Variants in SERPINB7 observed in about 807,000 individuals in gnomAD.
SERPINB7 encodes serpin family B member 7.
SERPINB7 carries 31 observed loss-of-function variants against 37.4 expected under a neutral mutation model. That is an observed-to-expected ratio of 0.83 (90% CI 0.62 to 1.12). The LOEUF is 1.12. SERPINB7 is among the 50% of genes most tolerant of loss of function. SERPINB7 has a pLI of 0.00. For missense variants in SERPINB7, 521 were observed against 455.3 expected (o/e 1.14, Z -1.31); for synonymous variants, 163 against 166.1 (o/e 0.98, Z 0.14).
chr18:63,781,887 G>C (rs2144610554), intron 1 of SERPINB7, among the ~76,000 whole-genome samples: 1 of 152,258 alleles, frequency 6.6e-6, no homozygotes, highest in East Asian at 1.9e-4. Context: ...ATTGTTCTAA[G>C]AATTTACAGA....
At chr18:63,766,102 T>C (rs2049179257) in intron 1 of SERPINB7, among the ~76,000 whole-genome samples, 1 of 152,112 alleles carries the variant, frequency 6.6e-6, no homozygotes. Context: ...ACCTAACAAC[T>C]GTGTAACTCC....
intron 7 of SERPINB7, among the ~76,000 whole-genome samples, chr18:63,801,968 T>C (rs1252064668): frequency 6.6e-5 from 10 of 152,212 alleles, no homozygotes. Context: ...TCATTAGTTT[T>C]ACAAAGGTGG....
At chr18:63,781,636 C>T (rs1004013909) in intron 1 of SERPINB7, among the ~76,000 whole-genome samples, 3 of 152,180 alleles carry the variant, frequency 2.0e-5, no homozygotes, top group Non-Finnish European at 2.9e-5. Context: ...GTCTGTATTG[C>T]AGAAACAACA....
At chr18:63,795,452 T>C (rs951565300) in intron 4 of SERPINB7, among the ~76,000 whole-genome samples, 2 of 151,624 alleles carry the variant, frequency 1.3e-5, no homozygotes, top group African/African-American at 4.9e-5. Flanking sequence ...TCCCAGCTAC[T>C]TGGGAAGCTG....
chr18:63,756,956 A>G (rs1055766207), intron 1 of SERPINB7, among the ~76,000 whole-genome samples: 1 of 152,134 alleles, frequency 6.6e-6, no homozygotes, highest in South Asian at 2.1e-4. Context: ...TCCTATTTCA[A>G]TCGCTATCAC....
chr18:63,770,673 A>G (rs916568106), upstream of SERPINB7, among the ~76,000 whole-genome samples: 2 of 151,952 alleles, frequency 1.3e-5, no homozygotes, highest in African/African-American at 2.4e-5. Flanking sequence ...ATTGTTTGTA[A>G]TATTTTTCCT....
chr18:63,800,828 G>A lies in SERPINB7; in HGVS notation c.598-38G>A, dbSNP rs1387642108. 6 of 1,607,280 alleles carry A rather than the reference G, an allele frequency of 3.7e-6. No individual in the cohort carries two copies. The South Asian group carries it at 6.7e-5, about 18-fold the overall frequency. Reference sequence around the variant, plus strand: ...TATTTGGTTAATAAAGTAAAATGAGGTGGGATCATAAATAATTTTTTGTGA... The same window carrying A: ...TATTTGGTTAATAAAGTAAAATGAGATGGGATCATAAATAATTTTTTGTGA... On this transcript the variant is annotated intron_variant, in intron 6 of 7. Transcript: ENST00000398019.
chr18:63,798,686 C>G lies in SERPINB7; in HGVS notation c.537C>G (p.Gly179=), dbSNP rs1175443109. The G allele has an allele frequency of 6.2e-7, 1 of 1,612,842 alleles. No homozygotes were observed. Among genetic ancestry groups the G allele is most frequent in the Non-Finnish European group, 8.5e-7 (1 of 1,179,568 alleles). Residue 179 remains glycine, a synonymous_variant, in exon 6 of 8, where the codon GGC becomes GGG. Coordinates refer to ENST00000398019, the MANE Select transcript of SERPINB7 (RefSeq NM_003784.4). The part of the protein sequence containing the change: ...MVLVNAVYFK[G]KWQSAFTKSE... ...TGGTGAATGCTGTGTACTTCAAAGG[C>G]AAGTGGCAATCAGCCTTCACCAAGA...
At chr18:63,774,473 T>C (rs1161152521), upstream of SERPINB7, among the ~76,000 whole-genome samples, 3 of 152,088 alleles carry the variant, frequency 2.0e-5, no homozygotes, top group African/African-American at 7.2e-5. Context: ...AGGTGCAACA[T>C]ACAGCTCAAC....
rs553857664 is a variant in SERPINB7, at chr18:63,793,724, C to A, written c.336+447C>A. 2.0e-5 allele frequency among the ~76,000 whole-genome samples: 3 copies of A among 152,266 alleles called. No homozygotes were observed. The South Asian group carries it at 6.2e-4, about 32-fold the overall frequency. On this transcript the variant is annotated intron_variant, in intron 4 of 7. Transcript: ENST00000398019. Reference sequence around the variant, plus strand: ...CTATGTTGCCCAGATTGGTCTTGAACCCCTGGGCTCAAGTGATCTTCTTTC... The same window carrying A: ...CTATGTTGCCCAGATTGGTCTTGAAACCCTGGGCTCAAGTGATCTTCTTTC...
chr18:63,789,724 T>G (rs900834031), intron 2 of SERPINB7, among the ~76,000 whole-genome samples: 4 of 152,250 alleles, frequency 2.6e-5, no homozygotes, highest in Non-Finnish European at 5.9e-5. Flanking sequence ...TATTTTCAAG[T>G]AGAGATGTTG....
intron 7 of SERPINB7, among the ~76,000 whole-genome samples, chr18:63,802,941 A>T (rs960669919): frequency 6.6e-6 from 1 of 152,204 alleles, no homozygotes; most frequent in Non-Finnish European, 1.5e-5. Flanking sequence ...GACCATATAA[A>T]ATATTGGTCC....
intron 6 of SERPINB7, 45 bp downstream of exon 6, chr18:63,798,791 G>A (rs1464680604): frequency 1.5e-5 from 24 of 1,584,238 alleles, no homozygotes; most frequent in African/African-American, 2.7e-5. Flanking sequence ...TTCCACAATC[G>A]TATTCCTTTG....
At chr18:63,797,848 C>T (rs1014986877) in intron 5 of SERPINB7, among the ~76,000 whole-genome samples, 1 of 152,298 alleles carries the variant, frequency 6.6e-6, no homozygotes, top group South Asian at 2.1e-4. Flanking sequence ...TCTTGCCAAC[C>T]TTATTCTCCC....
At chr18:63,800,297 A>G (rs1193930258) in intron 6 of SERPINB7, among the ~76,000 whole-genome samples, 1 of 152,054 alleles carries the variant, frequency 6.6e-6, no homozygotes, top group Non-Finnish European at 1.5e-5. Flanking sequence ...CTTGGGCTCA[A>G]GTAGTCCTCT....
chr18:63,767,516 T>C (rs1290105859), intron 1 of SERPINB7, among the ~76,000 whole-genome samples: 3 of 152,162 alleles, frequency 2.0e-5, no homozygotes, highest in Non-Finnish European at 4.4e-5. Flanking sequence ...AGAAAGACTG[T>C]GTTTCCTCCC....
chr18:63,776,849 A>G (rs1720853), intron 1 of SERPINB7, among the ~76,000 whole-genome samples: 90,040 of 151,506 alleles, frequency 0.59, 26,808 homozygotes, highest in East Asian at 0.68. Context: ...TTGGATATTT[A>G]TTTGGTTTCT....
At chr18:63,772,628 A>C (rs943295512), upstream of SERPINB7, among the ~76,000 whole-genome samples, 1 of 152,146 alleles carries the variant, frequency 6.6e-6, no homozygotes, top group Non-Finnish European at 1.5e-5. Flanking sequence ...TAGAAAGTGA[A>C]CTTTAATTTG....
Position 63,776,276 on chromosome 18 carries a change from A to AT in SERPINB7, c.-19+560_-19+561insT, listed in dbSNP as rs2049246955. 2.0e-5 allele frequency among the ~76,000 whole-genome samples: 3 copies of AT among 152,034 alleles called. No individual in the cohort carries two copies. The South Asian group carries it at 6.2e-4, about 32-fold the overall frequency. ...ATAATAGAACATCACCAGAACCTCT[A>AT]AAACCTCCCTCCCCATTCTTTCACC... is the stretch of plus-strand genomic sequence containing the variant. On this transcript the variant is annotated intron_variant, in intron 1 of 7. Coordinates refer to ENST00000398019, the MANE Select transcript of SERPINB7 (RefSeq NM_003784.4).
Sources: allele counts gnomAD v4.1 joint callset (sites outside exome capture counted in the v4.1 genomes callset), GRCh38; gene constraint gnomAD v4.1.1; transcripts MANE v1.5; gene names NCBI Gene and HGNC (gene_info 2026-07-23, HGNC 2026-07-21).